The following MCF2L2 variants were observed in gnomAD, a reference collection of about 807,000 sequenced individuals.
MCF2L2 encodes MCF.2 cell line derived transforming sequence-like 2, also known as probable guanine nucleotide exchange factor MCF2L2.
Under a neutral mutation model 150.2 loss-of-function variants are expected in MCF2L2, and 102 were observed. The observed-to-expected ratio is 0.68, with a 90% CI of 0.58 to 0.80. The LOEUF is 0.80. Among genes scored for constraint, MCF2L2 ranks in the 30% least tolerant of loss-of-function variants. The pLI is 0.00. For synonymous variants in MCF2L2, 465 were observed against 491.3 expected, an observed-to-expected ratio of 0.95 and a Z score of 0.71; for missense variants, 1,256 against 1,372.8, an observed-to-expected ratio of 0.91 and a Z score of 1.34.
intron 7 of MCF2L2, among the ~76,000 whole-genome samples, chr3:183,313,865 T>G (rs543851707): frequency 1.6e-4 from 25 of 152,260 alleles, no homozygotes; most frequent in African/African-American, 6.0e-4. Flanking sequence ...AAGTTCCCTT[T>G]CCTCAGAAAA....
rs190837299 is a variant in MCF2L2, at chr3:183,295,623, G to A, written c.1498-146C>T. Reference sequence around the variant, plus strand: ...CCCTCTGGGCATCACTATGCAAGTCGCTGCAGGTCCTGCCATGCTCCAGAA... The same window carrying A: ...CCCTCTGGGCATCACTATGCAAGTCACTGCAGGTCCTGCCATGCTCCAGAA... On this transcript the variant is annotated intron_variant, in intron 12 of 29. Transcript: ENST00000328913. 5.6e-5 allele frequency: 40 copies of A among 717,466 alleles called. No homozygotes were observed. In the African/African-American group the frequency reaches 5.6e-4, roughly 10 times the overall value. The allele number at this position is 717,466 out of a possible 1,614,324, so 44.4% of individuals were successfully genotyped here.
chr3:183,289,074 T>G (rs1438947529), intron 14 of MCF2L2, 46 bp downstream of exon 14: 1 of 1,269,998 alleles, frequency 7.9e-7, no homozygotes, highest in Non-Finnish European at 1.1e-6. Flanking sequence ...ACAGCAATCT[T>G]CCCTCTTGTC....
Position 183,179,827 on chromosome 3 carries a change from G to A in MCF2L2, c.3106-135C>T, listed in dbSNP as rs1432342171. The A allele has an allele frequency of 1.2e-6, 1 of 803,378 alleles. No individual in the cohort carries two copies. Among genetic ancestry groups the A allele is most frequent in the Non-Finnish European group, 2.0e-6 (1 of 489,230 alleles). The allele number at this position is 803,378 out of a possible 1,614,324, so 49.8% of individuals were successfully genotyped here. ...ACCTGGGCCACGGGGCTCTCAGCGG[G>A]AGCCCCAGTTATGACCGGACACCAG... On this transcript the variant is annotated intron_variant, in intron 28 of 29. Coordinates refer to ENST00000328913, the MANE Select transcript of MCF2L2 (RefSeq NM_015078.4). The surrounding 1 kb of genome is among the most constrained non-coding windows in gnomAD (Gnocchi z 4.2).
intron 9 of MCF2L2, 116 bp from the exon 10 acceptor site, chr3:183,309,951 T>C (rs1292029940): frequency 1.1e-5 from 14 of 1,219,166 alleles, no homozygotes; most frequent in East Asian, 1.0e-4. Context: ...GACTTGTATA[T>C]ATCTATATAT....
chr3:183,211,957 A>T (rs994370864), intron 22 of MCF2L2, among the ~76,000 whole-genome samples: 1 of 152,190 alleles, frequency 6.6e-6, no homozygotes, highest in East Asian at 1.9e-4. Context: ...TGCAGATACA[A>T]TTGGTTAAGA....
intron 25 of MCF2L2, among the ~76,000 whole-genome samples, chr3:183,202,604 A>G (rs1722328088): frequency 6.6e-6 from 1 of 152,242 alleles, no homozygotes; most frequent in African/African-American, 2.4e-5. Flanking sequence ...CAAAGACTAG[A>G]AGACTTACTG....
At chr3:183,274,365 A>G (rs1727030722) in intron 15 of MCF2L2, among the ~76,000 whole-genome samples, 1 of 152,222 alleles carries the variant, frequency 6.6e-6, no homozygotes, top group Non-Finnish European at 1.5e-5. Flanking sequence ...TGACACGGTT[A>G]GCTGTCTGAA....
At position 183,178,069 on chromosome 3, in the gene MCF2L2, G is replaced by A. The variant is rs1288432546; in HGVS notation, c.*1311C>T. 4 of 152,180 alleles carry A rather than the reference G, an allele frequency of 2.6e-5. No individual in the cohort carries two copies. The highest frequency in any genetic ancestry group is 4.4e-5 in the Non-Finnish European group (3 of 68,024). 9.4% of individuals were successfully genotyped at this position (152,180 alleles called of 1,614,324 possible). A position where few individuals can be genotyped will look rare whatever the true frequency, so the allele number is the denominator to read the frequency against. On this transcript the variant is annotated 3_prime_UTR_variant, in exon 30 of 30. Coordinates refer to ENST00000328913, the MANE Select transcript of MCF2L2 (RefSeq NM_015078.4). The stretch of plus-strand genomic sequence containing the variant: ...ATGAACTTCCAGTGAGTGTTTAATA[G>A]TCAAATAAGTTACTGTAAAAATAAA...
rs1729683031 is a variant in MCF2L2, at chr3:183,318,366, G to A, written c.604-149C>T. On this transcript the variant is annotated intron_variant, in intron 6 of 29. Coordinates refer to ENST00000328913, the MANE Select transcript of MCF2L2 (RefSeq NM_015078.4). ...ATAGAGGACCTGATTCTGATAGGGA[G>A]ATTAAAAAGAGGCTGGTTTTAGTCT... 9 of 879,514 alleles carry A rather than the reference G, an allele frequency of 1.0e-5. No homozygotes were observed. In the South Asian group the frequency reaches 1.4e-4, roughly 13 times the overall value. The allele number at this position is 879,514 out of a possible 1,614,324, so 54.5% of individuals were successfully genotyped here.
chr3:183,262,208 T>C (rs1170381429), intron 15 of MCF2L2, among the ~76,000 whole-genome samples: 1 of 150,522 alleles, frequency 6.6e-6, no homozygotes, highest in Non-Finnish European at 1.5e-5. Flanking sequence ...TAGTCTTGTT[T>C]TATGATACTT....
chr3:183,394,572 T>G (rs1714337153), intron 1 of MCF2L2, among the ~76,000 whole-genome samples: 1 of 152,240 alleles, frequency 6.6e-6, no homozygotes, highest in Non-Finnish European at 1.5e-5. Context: ...CAAACATATT[T>G]CCTTCTTTTA....
intron 3 of MCF2L2, among the ~76,000 whole-genome samples, chr3:183,343,445 A>G (rs1560031202): frequency 2.0e-5 from 3 of 149,546 alleles, no homozygotes; most frequent in Admixed American, 6.8e-5. Context: ...CTCTTGGCTC[A>G]CTGCAACCTC....
intron 3 of MCF2L2, among the ~76,000 whole-genome samples, chr3:183,357,292 C>T (rs1711844706): frequency 6.6e-6 from 1 of 152,042 alleles, no homozygotes; most frequent in Non-Finnish European, 1.5e-5. Flanking sequence ...AAAAAACAAG[C>T]AAGATACTAA....
chr3:183,182,553 C>T (rs911367137), intron 27 of MCF2L2: 1 of 152,418 alleles, frequency 6.6e-6, no homozygotes, highest in African/African-American at 2.4e-5. Flanking sequence ...ATGCTTTGTT[C>T]TATCCTAGGA....
chr3:183,276,662 T>C, intron 15 of MCF2L2: 1 of 443,622 alleles, frequency 2.3e-6, no homozygotes, highest in South Asian at 5.4e-5. Flanking sequence ...AGAAGTTTGG[T>C]TTCTAAGATG....
intron 2 of MCF2L2, among the ~76,000 whole-genome samples, chr3:183,384,648 T>C (rs1224460117): frequency 6.6e-6 from 1 of 152,132 alleles, no homozygotes; most frequent in Non-Finnish European, 1.5e-5. Flanking sequence ...CACCAAGTTA[T>C]CCTTAAAAAC....
At position 183,270,820 on chromosome 3, in the gene MCF2L2, T is replaced by TA; in HGVS notation, c.1862+6051dup. The TA allele has an allele frequency of 6.2e-7, 1 of 1,613,896 alleles. No homozygotes were observed. The highest frequency in any genetic ancestry group is 8.5e-7 in the Non-Finnish European group (1 of 1,179,932). On this transcript the variant is annotated intron_variant, in intron 15 of 29. Coordinates refer to ENST00000328913, the MANE Select transcript of MCF2L2 (RefSeq NM_015078.4). This position sits in a 1 kb window ranked among gnomAD's most constrained non-coding sequence, Gnocchi z 4.5. Reference sequence around the variant, plus strand: ...TGGAAGAATGCTACAGATCCTAAAGTAAAAACCATTTCCAAAGGTTTTTTT... The same window carrying TA: ...TGGAAGAATGCTACAGATCCTAAAGTAAAAAACCATTTCCAAAGGTTTTTTT...
chr3:183,191,927 G>A (rs1212012588), intron 27 of MCF2L2, among the ~76,000 whole-genome samples: 5 of 150,772 alleles, frequency 3.3e-5, no homozygotes, highest in South Asian at 2.1e-4. Flanking sequence ...TGCAAGCTCC[G>A]CCTCCCAGGT....
intron 13 of MCF2L2, among the ~76,000 whole-genome samples, chr3:183,292,172 A>G (rs1215968873): frequency 6.6e-6 from 1 of 152,208 alleles, no homozygotes; most frequent in East Asian, 1.9e-4. Flanking sequence ...AGTAGGATAC[A>G]TGGTGGAAGA....
Sources: gnomAD v4.1 joint callset for allele counts (sites outside exome capture counted in the v4.1 genomes callset) on GRCh38, gnomAD v4.1.1 for gene constraint, Gnocchi (gnomAD v3.1) non-coding constraint, MANE v1.5 for transcripts, NCBI Gene and HGNC (gene_info 2026-07-23, HGNC 2026-07-21) for gene names.